The following SEC16A variants were observed in gnomAD, a reference collection of about 807,000 sequenced individuals.
The protein encoded by SEC16A is protein transport protein Sec16A.
A neutral mutation model predicts 221.9 loss-of-function variants in SEC16A; 110 were observed. The ratio of observed to expected loss-of-function variants is 0.50; its 90% CI spans 0.42 to 0.58. SEC16A has a LOEUF of 0.58. SEC16A is among the 20% of genes least tolerant of loss of function. The probability of loss-of-function intolerance (pLI) is 0.00; values close to 1 mark genes in which losing one functional copy is unlikely to be tolerated. For missense variants in SEC16A, 3,165 were observed against 3,097.8 expected (o/e 1.02, Z -0.52); for synonymous variants, 1,393 against 1,257.7 (o/e 1.11, Z -2.28).
chr9:136,453,290 A>G (rs192207487), intron 22 of SEC16A, 138 bp downstream of exon 22: 2 of 607,826 alleles, frequency 3.3e-6, no homozygotes, highest in African/African-American at 1.8e-5. Flanking sequence ...ATTTAGAAGC[A>G]CTTTCACTTT....
At chr9:136,445,977 C>G (rs1836918444) in intron 28 of SEC16A, among the ~76,000 whole-genome samples, 1 of 152,144 alleles carries the variant, frequency 6.6e-6, no homozygotes, top group Non-Finnish European at 1.5e-5. Context: ...ACTGTTATTC[C>G]CATTTTACAG....
Position 136,447,716 on chromosome 9 carries a change from G to A in SEC16A, c.6448-36C>T, listed in dbSNP as rs755926746. 4 of 1,579,092 alleles carry A rather than the reference G, an allele frequency of 2.5e-6. No homozygotes were observed. The highest frequency in any genetic ancestry group is 2.2e-5 in the South Asian group (2 of 89,148). ...AAACACAGCTTCAGACACCCACTGT[G>A]TGCACAGAAACCCACTGGGATGGCA... On this transcript the variant is annotated intron_variant, in intron 25 of 31. Coordinates refer to ENST00000684901, the MANE Select transcript of SEC16A (RefSeq NM_014866.2). This position sits in a 1 kb window ranked among gnomAD's most constrained non-coding sequence, Gnocchi z 5.5.
Position 136,443,905 on chromosome 9 carries a change from G to A in SEC16A, c.6928-5C>T, listed in dbSNP as rs945872487. 4.4e-6 allele frequency: 7 copies of A among 1,605,754 alleles called. No individual in the cohort carries two copies. The highest frequency in any genetic ancestry group is 6.0e-6 in the Non-Finnish European group (7 of 1,176,464). ...AGCAGGGAGGTCGCCAGGAGCCTGA[G>A]AAGCACAGAGAAGTCACCTCAGCAG... On this transcript the variant is annotated splice_region_variant and splice_polypyrimidine_tract_variant and intron_variant, in intron 30 of 31. Coordinates refer to ENST00000684901, the MANE Select transcript of SEC16A (RefSeq NM_014866.2).
chr9:136,447,441 G>A lies in SEC16A; in HGVS notation c.6560-77C>T, dbSNP rs982443404. 5.2e-5 allele frequency: 81 copies of A among 1,571,122 alleles called. No individual in the cohort carries two copies. Among genetic ancestry groups the A allele is most frequent in the Non-Finnish European group, 6.5e-5 (75 of 1,156,780 alleles). ...CTTCCAAATGCTCTGCGCTCACTGC[G>A]TCAGAGGAAAAGCACGCAGGGACGT... On this transcript the variant is annotated intron_variant, in intron 26 of 31. Transcript: ENST00000684901. The surrounding 1 kb of genome is among the most constrained non-coding windows in gnomAD (Gnocchi z 5.5).
At chr9:136,446,682 G>A (rs1181474017) in intron 28 of SEC16A, among the ~76,000 whole-genome samples, 173 bp downstream of exon 28, 3 of 152,068 alleles carry the variant, frequency 2.0e-5, no homozygotes, top group Non-Finnish European at 2.9e-5. Flanking sequence ...TGTCCCGCCC[G>A]GCACCCTGCA....
chr9:136,474,712 T>G lies in SEC16A; in HGVS notation c.2904A>C (p.Pro968=), dbSNP rs771288457. ...CAGGCACCAGGGTGCCGTGTGCAGG[T>G]GGAACTAACACCACACTTGTGCTTC... ...PAGSTSVVLV[P]PAHGTLVPDG... Residue 968 remains proline, a synonymous_variant, in exon 3 of 32, where the codon CCA becomes CCC. Transcript: ENST00000684901. 3.0e-5 allele frequency: 49 copies of G among 1,613,664 alleles called. No individual in the cohort carries two copies. The highest frequency in any genetic ancestry group is 4.0e-5 in the Non-Finnish European group (47 of 1,179,888).
In SEC16A at chr9:136,459,403, G is replaced by C; in HGVS notation, c.5303+41C>G. ...AAGGAGAAGGATTTTGTTTTACTTT[G>C]AAAGGAAAACTTACAGGACTACACT... On this transcript the variant is annotated intron_variant, in intron 16 of 31. Coordinates refer to ENST00000684901, the MANE Select transcript of SEC16A (RefSeq NM_014866.2). This position sits in a 1 kb window ranked among gnomAD's most constrained non-coding sequence, Gnocchi z 6.1. The C allele has an allele frequency of 6.7e-7, 1 of 1,498,082 alleles. No homozygotes were observed. The highest frequency in any genetic ancestry group is 9.1e-7 in the Non-Finnish European group (1 of 1,097,204). 92.8% of individuals were successfully genotyped at this position (1,498,082 alleles called of 1,614,324 possible). A position where few individuals can be genotyped will look rare whatever the true frequency, so the allele number is the denominator to read the frequency against.
At position 136,461,206 on chromosome 9, in the gene SEC16A, G is replaced by A; in HGVS notation, c.4962C>T (p.Asp1654=). The change falls in exon 13 of 32, where the codon GAC becomes GAT. Residue 1654 remains aspartate (D), a synonymous_variant. Transcript: ENST00000684901. ...TCATGACTCGGGCGTGTGTCCGGCT[G>A]TCCATCTTACTTGCAAGTAGCAGAG... The part of the protein sequence containing the change: ...GHALLLASKM[D]SRTHARVMTR... 2 of 1,608,334 alleles carry A rather than the reference G, an allele frequency of 1.2e-6. No homozygotes were observed. The highest frequency in any genetic ancestry group is 1.7e-6 in the Non-Finnish European group (2 of 1,177,494).
At chr9:136,460,843 G>A (rs2132331611) in intron 13 of SEC16A, among the ~76,000 whole-genome samples, 1 of 152,250 alleles carries the variant, frequency 6.6e-6, no homozygotes, top group Admixed American at 6.5e-5. Context: ...AACCTGGGAG[G>A]CAGGGGTTGC....
chr9:136,451,296 G>C lies in SEC16A; in HGVS notation c.6272C>G (p.Pro2091Arg). 4.3e-6 allele frequency: 7 copies of C among 1,613,268 alleles called. No individual in the cohort carries two copies. The South Asian group carries it at 4.4e-5, about 10-fold the overall frequency. ...SLSPAPETKR[P>R]GQAAKKETKE... ...CGTTTCTTTCTTGGCTGCCTGTCCGGGTCTCTTTGTTTCGGGAGCGGGTGA... is the reference window on the plus strand; with the variant it reads ...CGTTTCTTTCTTGGCTGCCTGTCCGCGTCTCTTTGTTTCGGGAGCGGGTGA... The change falls in exon 23 of 32, where the codon CCC (proline) becomes CGC (arginine). Residue 2091 changes from proline (P) to arginine (R), a missense_variant. Physicochemically the swap from Pro to Arg is moderately radical, Grantham distance 103 (BLOSUM62 -2). Around this residue, in one of 3 missense-constraint regions of SEC16A, gnomAD observed 1,088 missense variants for 1,089.6 expected, o/e 1.00. Transcript: ENST00000684901.
At chr9:136,464,198 G>A (rs1839867763) in intron 9 of SEC16A, among the ~76,000 whole-genome samples, 2 of 151,586 alleles carry the variant, frequency 1.3e-5, no homozygotes, top group Non-Finnish European at 2.9e-5. Flanking sequence ...ATCAAACCAC[G>A]TTGAACACCC....
rs1383754360 is a variant in SEC16A, at chr9:136,451,374, G to A, written c.6194C>T (p.Pro2065Leu). Residue 2065 changes from proline to leucine, a missense_variant, in exon 23 of 32, where the codon CCC becomes CTC. Coordinates refer to ENST00000684901, the MANE Select transcript of SEC16A (RefSeq NM_014866.2). ...CGAGTCGGCACGATCCCACCCTGGG[G>A]GGGCCTCCGAGTCTGGCACCGTCCT... ...PSRTVPDSEA[P>L]PGWDRADSGP... The A allele has an allele frequency of 6.2e-7, 1 of 1,612,538 alleles. No homozygotes were observed. The highest frequency in any genetic ancestry group is 1.7e-5 in the Admixed American group (1 of 59,610).
At chr9:136,444,867 G>A (rs947555771) in intron 30 of SEC16A, among the ~76,000 whole-genome samples, 185 bp downstream of exon 30, 5 of 118,546 alleles carry the variant, frequency 4.2e-5, no homozygotes, top group African/African-American at 1.0e-4. Flanking sequence ...CAACAAGAGC[G>A]AAACTCCGTC....
chr9:136,460,010 G>A, intron 14 of SEC16A, 32 bp downstream of exon 14: 2 of 1,576,856 alleles, frequency 1.3e-6, no homozygotes, highest in Non-Finnish European at 1.7e-6. Flanking sequence ...AGGCAGTGGA[G>A]CCTGTGCAAG....
In SEC16A at chr9:136,463,607, G is replaced by A. The variant is rs11145753; in HGVS notation, c.4509-6C>T. The A allele has an allele frequency of 0.14, 228,699 of 1,613,612 alleles. 18,155 individuals are homozygous for A. The highest frequency in any genetic ancestry group is 0.3 in the Admixed American group (18,213 of 60,018). ...CCACCTTATGGGTGTCGTCTCTGCA[G>A]AAAGAACACACAGTGAGCAGTGATG... On this transcript the variant is annotated splice_region_variant and splice_polypyrimidine_tract_variant and intron_variant, in intron 10 of 31. Transcript: ENST00000684901.
Position 136,448,982 on chromosome 9 carries a change from G to A in SEC16A, c.6313-821C>T, listed in dbSNP as rs189053799. On this transcript the variant is annotated intron_variant, in intron 23 of 31. Transcript: ENST00000684901. ...CAGTGTGAATGTACTTGGTGCCACAGAACTGTGCACTCAGAAAATGGTAAA... is the reference window on the plus strand; with the variant it reads ...CAGTGTGAATGTACTTGGTGCCACAAAACTGTGCACTCAGAAAATGGTAAA... 46 of 624,306 alleles carry A rather than the reference G, an allele frequency of 7.4e-5. No individual in the cohort carries two copies. The East Asian group carries it at 1.0e-3, about 14-fold the overall frequency. The allele number at this position is 624,306 out of a possible 1,614,324, so 38.7% of individuals were successfully genotyped here.
chr9:136,465,462 AAAAC>A (rs776169599), intron 8 of SEC16A, among the ~76,000 whole-genome samples: 4 of 152,348 alleles, frequency 2.6e-5, no homozygotes, highest in Non-Finnish European at 4.4e-5. Context: ...AAAAAACCAA[AAAAC>A]AAACAAACAA....
At chr9:136,448,439 A>C (rs768944903) in intron 23 of SEC16A, 2 of 707,204 alleles carry the variant, frequency 2.8e-6, no homozygotes, top group African/African-American at 3.8e-5. Flanking sequence ...CAGAGACACC[A>C]GGAGGATGGA....
chr9:136,441,894 G>T, intron 31 of SEC16A, 71 bp from the exon 32 acceptor site: 1 of 1,349,328 alleles, frequency 7.4e-7, no homozygotes. Context: ...CTGCAGCGTG[G>T]CAGGGGCTGG....
Sources: allele counts gnomAD v4.1 joint callset (sites outside exome capture counted in the v4.1 genomes callset), GRCh38; gene constraint gnomAD v4.1.1; regional missense constraint gnomAD v4.1.1; non-coding constraint Gnocchi (gnomAD v3.1); transcripts MANE v1.5; gene names NCBI Gene and HGNC (gene_info 2026-07-23, HGNC 2026-07-21).